Variants in EYS observed in about 807,000 individuals in gnomAD.
EYS encodes protein eyes shut homolog.
In EYS, 250 loss-of-function variants were observed where a neutral mutation model predicts 282.1. The ratio of observed to expected loss-of-function variants is 0.89; its 90% CI spans 0.80 to 0.98. The LOEUF (loss-of-function observed/expected upper bound fraction) is 0.98. EYS is among the 50% of genes least tolerant of loss of function. EYS has a pLI of 0.00. For missense variants in EYS, 4,016 were observed against 3,709.0 expected, an observed-to-expected ratio of 1.08 and a Z score of -2.15; for synonymous variants, 1,355 against 1,282.9, an observed-to-expected ratio of 1.06 and a Z score of -1.20.
intron 28 of EYS, among the ~76,000 whole-genome samples, chr6:64,419,849 G>A (rs529932582): frequency 6.6e-6 from 1 of 152,324 alleles, no homozygotes; most frequent in Non-Finnish European, 1.5e-5. Context: ...CAGGCACACA[G>A]TGCATGTTGT....
At chr6:64,858,057 A>C (rs909763749) in intron 19 of EYS, among the ~76,000 whole-genome samples, 18 of 152,044 alleles carry the variant, frequency 1.2e-4, no homozygotes, top group African/African-American at 4.1e-4. Context: ...TTGCCTCTTC[A>C]CTTTATTAAT....
intron 24 of EYS, 50 bp from the exon 25 acceptor site, chr6:64,593,359 T>C: frequency 3.5e-6 from 5 of 1,418,972 alleles, no homozygotes; most frequent in Non-Finnish European, 4.8e-6. Flanking sequence ...TCTTTGTTCC[T>C]AAGAGAAATT....
chr6:65,431,087 T>C (rs913568712), intron 5 of EYS, among the ~76,000 whole-genome samples: 8 of 152,184 alleles, frequency 5.3e-5, no homozygotes, highest in Non-Finnish European at 1.0e-4. Flanking sequence ...CACTTAAGAA[T>C]CTTCTACACT....
At chr6:64,090,640 C>T (rs550271382) in intron 31 of EYS, among the ~76,000 whole-genome samples, 1 of 151,708 alleles carries the variant, frequency 6.6e-6, no homozygotes, top group African/African-American at 2.4e-5. Context: ...AAATACTCAA[C>T]GTTTGATGGC....
At chr6:63,927,499 C>T (rs760279306) in intron 35 of EYS, among the ~76,000 whole-genome samples, 3 of 152,180 alleles carry the variant, frequency 2.0e-5, no homozygotes. Context: ...GAAAAAATGT[C>T]ACTCGAATTG....
In EYS at chr6:64,230,839, C is replaced by G; in HGVS notation, c.6192-15G>C. The G allele has an allele frequency of 1.4e-6, 2 of 1,479,968 alleles. No individual in the cohort carries two copies. The highest frequency in any genetic ancestry group is 1.8e-6 in the Non-Finnish European group (2 of 1,090,800). 91.7% of individuals were successfully genotyped at this position (1,479,968 alleles called of 1,614,324 possible). A position where few individuals can be genotyped will look rare whatever the true frequency, so the allele number is the denominator to read the frequency against. ...ATCCCTGGGATCTGTGATTTATAAA[C>G]AGACAAGAAAACAAAATATAAGTAA... On this transcript the variant is annotated splice_polypyrimidine_tract_variant and intron_variant, in intron 30 of 42. Transcript: ENST00000503581.
rs869208549 is a variant in EYS, at chr6:64,703,429, A to ATATATATTTTTTTT, written c.3444-77185_3444-77184insAAAAAAAATATATA. Among the ~76,000 whole-genome samples, 7 of 23,356 alleles carry ATATATATTTTTTTT rather than the reference A, an allele frequency of 3.0e-4. 1 individual carries two copies. The highest frequency in any genetic ancestry group is 8.1e-4 in the East Asian group (1 of 1,228). 15.3% of individuals were successfully genotyped at this position (23,356 alleles called of 152,430 possible). On this transcript the variant is annotated intron_variant, in intron 22 of 42. Coordinates refer to ENST00000503581, the MANE Select transcript of EYS (RefSeq NM_001142800.2). ...CACACACATATATATATATATATAT[A>ATATATATTTTTTTT]TTTTTTTTTTTTTTTTTTGAGATGG...
rs534167065 is a variant in EYS, at chr6:65,073,945, G to A, written c.2024-16218C>T. 7.9e-5 allele frequency among the ~76,000 whole-genome samples: 12 copies of A among 152,066 alleles called. No individual in the cohort carries two copies. In the South Asian group the frequency reaches 2.5e-3, roughly 32 times the overall value. Reference sequence around the variant, plus strand: ...GAAAGTGATTCTCTGAAAATGAGGAGATTGGTTAGTTTTGCAGAAAGGGAG... The same window carrying A: ...GAAAGTGATTCTCTGAAAATGAGGAAATTGGTTAGTTTTGCAGAAAGGGAG... On this transcript the variant is annotated intron_variant, in intron 12 of 42. Transcript: ENST00000503581.
intron 35 of EYS, among the ~76,000 whole-genome samples, chr6:63,865,083 T>C (rs1007922097): frequency 2.6e-5 from 4 of 152,220 alleles, no homozygotes; most frequent in Non-Finnish European, 4.4e-5. Flanking sequence ...CAGCCCATGT[T>C]GTCTGGGAGA....
intron 32 of EYS, among the ~76,000 whole-genome samples, chr6:64,073,953 C>A (rs917468590): frequency 2.6e-5 from 4 of 151,710 alleles, no homozygotes; most frequent in Admixed American, 2.6e-4. Context: ...TGAAAAGATG[C>A]TTGATGATCC....
chr6:63,786,204 C>CAAAA (rs1198772619), intron 39 of EYS: 1 of 41,442 alleles, frequency 2.4e-5, no homozygotes. Context: ...CAGCGAGACT[C>CAAAA]AAAAAAAAAA....
chr6:65,404,858 A>G (rs976197690), intron 6 of EYS, among the ~76,000 whole-genome samples: 4 of 151,916 alleles, frequency 2.6e-5, no homozygotes, highest in Non-Finnish European at 4.4e-5. Context: ...AATATTTCCT[A>G]CTCTTATTTA....
At chr6:64,176,517 G>A (rs1764639865) in intron 31 of EYS, among the ~76,000 whole-genome samples, 1 of 152,038 alleles carries the variant, frequency 6.6e-6, no homozygotes, top group African/African-American at 2.4e-5. Context: ...GTGTGTGTGT[G>A]TGTGTGTGTT....
In EYS at chr6:65,340,720, A is replaced by C. The variant is rs985528220; in HGVS notation, c.1599+3318T>G. Reference sequence around the variant, plus strand: ...TTCCACAACTTCTCCCATCTGATGCACTACTAAGACTCTACTAAGGTGTTG... The same window carrying C: ...TTCCACAACTTCTCCCATCTGATGCCCTACTAAGACTCTACTAAGGTGTTG... On this transcript the variant is annotated intron_variant, in intron 10 of 42. Coordinates refer to ENST00000503581, the MANE Select transcript of EYS (RefSeq NM_001142800.2). Among the ~76,000 whole-genome samples the C allele has an allele frequency of 2.0e-5, 3 of 151,210 alleles. No individual in the cohort carries two copies. In the South Asian group the frequency reaches 6.2e-4, roughly 31 times the overall value.
chr6:65,326,606 G>A (rs1356358355), intron 11 of EYS, among the ~76,000 whole-genome samples: 1 of 150,604 alleles, frequency 6.6e-6, no homozygotes, highest in Non-Finnish European at 1.5e-5. Context: ...ATTTATTTTT[G>A]TTTTATATGA....
chr6:64,081,885 GT>G lies in EYS; in HGVS notation c.6541del (p.Thr2181GlnfsTer4). The G allele has an allele frequency of 6.5e-7, 1 of 1,539,876 alleles. No individual in the cohort carries two copies. Among genetic ancestry groups the G allele is most frequent in the Non-Finnish European group, 8.8e-7 (1 of 1,138,312 alleles). ...AAGAATAGTTCCATTTAAACTGTTT[GT>G]TTTTATAGTCAAGTAGATGGTAACA... ...RTVTIYLTIK[T>X]NSLNGTILYS... On this transcript the variant is annotated frameshift_variant, in exon 32 of 43. Transcript: ENST00000503581. LOFTEE classifies it high-confidence loss of function.
intron 1 of EYS, among the ~76,000 whole-genome samples, chr6:65,698,399 T>C (rs1181323475): frequency 6.6e-6 from 1 of 152,174 alleles, no homozygotes; most frequent in Non-Finnish European, 1.5e-5. Flanking sequence ...GGGTCCTATA[T>C]AATTAATGCA....
chr6:64,301,784 A>C, intron 30 of EYS, among the ~76,000 whole-genome samples: 1 of 152,042 alleles, frequency 6.6e-6, no homozygotes, highest in East Asian at 1.9e-4. Flanking sequence ...ACTCCCCCAT[A>C]CCTAACGCTT....
At chr6:65,391,596 A>C (rs1449595465) in intron 7 of EYS, among the ~76,000 whole-genome samples, 1 of 152,146 alleles carries the variant, frequency 6.6e-6, no homozygotes, top group Admixed American at 6.5e-5. Flanking sequence ...TAAAATACCT[A>C]GGATTCCAAC....
Sources: allele counts gnomAD v4.1 joint callset (sites outside exome capture counted in the v4.1 genomes callset), GRCh38; gene constraint gnomAD v4.1.1; transcripts MANE v1.5; gene names NCBI Gene and HGNC (gene_info 2026-07-23, HGNC 2026-07-21).